Variants in USP34 observed in about 807,000 individuals in gnomAD.
USP34 encodes ubiquitin specific peptidase 34.
In USP34, 70 loss-of-function variants were observed where a neutral mutation model predicts 460.3. That is an observed-to-expected ratio of 0.15 (90% CI 0.13 to 0.19). The LOEUF is 0.19. Among genes scored for constraint, USP34 ranks in the 10% least tolerant of loss-of-function variants. The pLI, the probability that USP34 is intolerant of heterozygous loss-of-function variation, is 1.00. For missense variants in USP34, 3,985 were observed against 4,236.2 expected (o/e 0.94, Z 1.65); for synonymous variants, 1,647 against 1,405.3 (o/e 1.17, Z -3.85).
intron 6 of USP34, among the ~76,000 whole-genome samples, chr2:61,381,244 T>C (rs900359108): frequency 1.8e-4 from 26 of 141,236 alleles, no homozygotes; most frequent in African/African-American, 6.2e-4. Context: ...AAACAAAAAA[T>C]GTAAAACTAA....
intron 34 of USP34, among the ~76,000 whole-genome samples, chr2:61,286,156 C>T (rs1051037452): frequency 7.2e-5 from 11 of 152,056 alleles, no homozygotes; most frequent in African/African-American, 1.7e-4. Context: ...AAAGATCACA[C>T]GGAAAAATGA....
At chr2:61,458,333 G>C (rs1238656057) in intron 1 of USP34, among the ~76,000 whole-genome samples, 1 of 152,074 alleles carries the variant, frequency 6.6e-6, no homozygotes, top group Non-Finnish European at 1.5e-5. Context: ...GGCAGAGGCA[G>C]GCAAATCACC....
intron 70 of USP34, chr2:61,208,579 G>A (rs920686882): frequency 6.2e-6 from 1 of 162,408 alleles, no homozygotes; most frequent in Non-Finnish European, 1.3e-5. Context: ...AGGCTTTTGG[G>A]AAATTATGTG....
chr2:61,233,106 C>T (rs963972662), intron 57 of USP34, among the ~76,000 whole-genome samples: 5 of 151,898 alleles, frequency 3.3e-5, no homozygotes, highest in South Asian at 2.1e-4. Context: ...GTGATCTGGC[C>T]GCCTCAGCCT....
chr2:61,228,809 G>C lies in USP34; in HGVS notation c.7368+18C>G. On this transcript the variant is annotated intron_variant, in intron 60 of 79. Coordinates refer to ENST00000398571, the MANE Select transcript of USP34 (RefSeq NM_014709.4). ...AAAAAGGTAGATAATCAAAAAAATAGACAAGATATAGCCTCACCTCTTCTT... is the reference window on the plus strand; with the variant it reads ...AAAAAGGTAGATAATCAAAAAAATACACAAGATATAGCCTCACCTCTTCTT... 1 of 1,588,816 alleles carries C rather than the reference G, an allele frequency of 6.3e-7. No individual in the cohort carries two copies. The highest frequency in any genetic ancestry group is 8.5e-7 in the Non-Finnish European group (1 of 1,171,304).
chr2:61,196,414 G>A (rs559516849), intron 75 of USP34, among the ~76,000 whole-genome samples: 54 of 151,840 alleles, frequency 3.6e-4, no homozygotes, highest in Middle Eastern at 3.4e-3. Context: ...TTGTAGAGAC[G>A]AGATTTCACC....
At chr2:61,375,252 T>C (rs553265467) in intron 8 of USP34, among the ~76,000 whole-genome samples, 36 of 152,164 alleles carry the variant, frequency 2.4e-4, no homozygotes, top group Non-Finnish European at 4.7e-4. Context: ...TAACAACTGC[T>C]GGCAAGAATA....
At chr2:61,342,134 C>T (rs1020318143) in intron 16 of USP34, among the ~76,000 whole-genome samples, 1 of 152,026 alleles carries the variant, frequency 6.6e-6, no homozygotes. Context: ...TGTTCAACAG[C>T]AAGTTATGAC....
chr2:61,189,283 G>GT (rs1488200078), intron 78 of USP34: 151 of 486,374 alleles, frequency 3.1e-4, no homozygotes, highest in Middle Eastern at 1.1e-3. Flanking sequence ...TTTTGTTTTT[G>GT]TTTTTTTTGA....
intron 26 of USP34, 26 bp downstream of exon 26, chr2:61,311,758 C>A (rs1406776941): frequency 6.2e-7 from 1 of 1,610,584 alleles, no homozygotes; most frequent in Non-Finnish European, 8.5e-7. Flanking sequence ...ATGTTATCAA[C>A]TTCGAAATTA....
chr2:61,325,090 C>G (rs1691044514), intron 21 of USP34, among the ~76,000 whole-genome samples: 1 of 151,766 alleles, frequency 6.6e-6, no homozygotes, highest in Non-Finnish European at 1.5e-5. Flanking sequence ...ACTGGAGTCT[C>G]CAAAAGGGGA....
intron 25 of USP34, among the ~76,000 whole-genome samples, chr2:61,313,484 C>T (rs1446268655): frequency 6.6e-6 from 1 of 152,164 alleles, no homozygotes; most frequent in Non-Finnish European, 1.5e-5. Context: ...GTATCATTAA[C>T]AGTATCTCCA....
chr2:61,258,459 A>C (rs76849933), intron 44 of USP34, among the ~76,000 whole-genome samples: 2,786 of 152,354 alleles, frequency 0.018, 39 homozygotes, highest in Middle Eastern at 0.044. Flanking sequence ...TACTCCGGTT[A>C]ATCTGTGGAA....
At chr2:61,452,319 T>A (rs946575867) in intron 1 of USP34, among the ~76,000 whole-genome samples, 5 of 92,450 alleles carry the variant, frequency 5.4e-5, no homozygotes, top group Admixed American at 2.3e-4. Flanking sequence ...TTCCCGGCAC[T>A]TTTTTTTTTT....
At chr2:61,351,344 G>A (rs183387219) in intron 10 of USP34, among the ~76,000 whole-genome samples, 1 of 151,860 alleles carries the variant, frequency 6.6e-6, no homozygotes, top group East Asian at 1.9e-4. Context: ...CCCTTATAAA[G>A]ATCTATAAAA....
At position 61,291,549 on chromosome 2, in the gene USP34, C is replaced by T. The variant is rs555535591; in HGVS notation, c.4548+1915G>A. ...CTCCCTGGATTCAGCTGTGACTGAA[C>T]AAACATTTCACCAAAGATTTATGAA... On this transcript the variant is annotated intron_variant, in intron 33 of 79. Coordinates refer to ENST00000398571, the MANE Select transcript of USP34 (RefSeq NM_014709.4). 2.0e-5 allele frequency among the ~76,000 whole-genome samples: 3 copies of T among 152,268 alleles called. No homozygotes were observed. The South Asian group carries it at 6.2e-4, about 32-fold the overall frequency.
intron 19 of USP34, among the ~76,000 whole-genome samples, chr2:61,331,673 T>C (rs1228132331): frequency 6.6e-6 from 1 of 152,020 alleles, no homozygotes; most frequent in African/African-American, 2.4e-5. Flanking sequence ...TATAAGAATA[T>C]ACTATGTGCT....
chr2:61,278,459 A>T lies in USP34; in HGVS notation c.5257-16T>A, dbSNP rs779618946. The T allele has an allele frequency of 2.7e-6, 4 of 1,496,382 alleles. No individual in the cohort carries two copies. The highest frequency in any genetic ancestry group is 3.6e-6 in the Non-Finnish European group (4 of 1,123,602). 92.7% of individuals were successfully genotyped at this position (1,496,382 alleles called of 1,614,324 possible). A position where few individuals can be genotyped will look rare whatever the true frequency, so the allele number is the denominator to read the frequency against. On this transcript the variant is annotated splice_polypyrimidine_tract_variant and intron_variant, in intron 39 of 79. Transcript: ENST00000398571. ...GGAGCGTTGTCTTAATACAAAAAGA[A>T]AATAAAAATTCAAATATAAATTTTT... is the stretch of plus-strand genomic sequence containing the variant.
intron 76 of USP34, chr2:61,191,257 GTTTTCAAATAGTCATGGCTCTTA>G (rs1686632811): frequency 6.6e-6 from 1 of 152,162 alleles, no homozygotes; most frequent in South Asian, 2.1e-4. Context: ...TGGTTTTCCT[GTTTTCAAATAGTCATGGCTCTTA>G]AACACAAGTA....
Sources: gnomAD v4.1 joint callset for allele counts (sites outside exome capture counted in the v4.1 genomes callset) on GRCh38, gnomAD v4.1.1 for gene constraint, MANE v1.5 for transcripts, NCBI Gene and HGNC (gene_info 2026-07-23, HGNC 2026-07-21) for gene names.